AFF1: variants seen among roughly 807,000 people sequenced by gnomAD.
AFF1 encodes the protein AF4/FMR2 family member 1.
In AFF1, 48 loss-of-function variants were observed where a neutral mutation model predicts 121.7. The ratio of observed to expected loss-of-function variants is 0.39; its 90% CI spans 0.31 to 0.50. The LOEUF (loss-of-function observed/expected upper bound fraction) is 0.50. AFF1 is among the 20% of genes least tolerant of loss of function. The pLI is 0.76. For synonymous variants in AFF1, 613 were observed against 563.0 expected (o/e 1.09, Z -1.26); for missense variants, 1,523 against 1,511.7 (o/e 1.01, Z -0.12).
At chr4:86,968,152 C>T (rs1006721312) in intron 2 of AFF1, among the ~76,000 whole-genome samples, 6 of 152,122 alleles carry the variant, frequency 3.9e-5, no homozygotes, top group African/African-American at 7.2e-5. Context: ...TCACCTCTTC[C>T]GTGAAACCTC....
chr4:87,013,888 T>C (rs538916228), intron 2 of AFF1, among the ~76,000 whole-genome samples: 6 of 152,230 alleles, frequency 3.9e-5, no homozygotes, highest in Non-Finnish European at 5.9e-5. Context: ...CTGCTGTCTG[T>C]AAGGCCAGGG....
chr4:87,038,776 T>G (rs1729815937), intron 2 of AFF1, among the ~76,000 whole-genome samples: 1 of 152,216 alleles, frequency 6.6e-6, no homozygotes. Flanking sequence ...ACTGTTGATT[T>G]TAGGATTTTC....
At chr4:87,025,370 G>T (rs566760705) in intron 2 of AFF1, among the ~76,000 whole-genome samples, 1 of 152,170 alleles carries the variant, frequency 6.6e-6, no homozygotes, top group African/African-American at 2.4e-5. Context: ...CGAAACTAAG[G>T]CTTAGAGAGT....
chr4:87,087,073 G>A (rs1723814970), intron 5 of AFF1, among the ~76,000 whole-genome samples: 3 of 152,192 alleles, frequency 2.0e-5, no homozygotes, highest in Non-Finnish European at 2.9e-5. Context: ...AGACACCTCA[G>A]ATTTTCTACT....
Position 87,075,074 on chromosome 4 carries a change from A to G in AFF1, c.1060-9046A>G, listed in dbSNP as rs551992409. 2.0e-4 allele frequency among the ~76,000 whole-genome samples: 30 copies of G among 152,294 alleles called. 1 individual carries two copies. The highest frequency in any genetic ancestry group is 9.6e-4 in the East Asian group (5 of 5,188). Reference sequence around the variant, plus strand: ...TTAGAAAAATATCTTTATGATGCCAATTATGCAGATTACCTCACTGGTATA... The same window carrying G: ...TTAGAAAAATATCTTTATGATGCCAGTTATGCAGATTACCTCACTGGTATA... On this transcript the variant is annotated intron_variant, in intron 4 of 20. Coordinates refer to ENST00000395146, the MANE Select transcript of AFF1 (RefSeq NM_001166693.3).
At chr4:86,996,906 A>T (rs1244599573) in intron 2 of AFF1, among the ~76,000 whole-genome samples, 1 of 151,876 alleles carries the variant, frequency 6.6e-6, no homozygotes, top group Non-Finnish European at 1.5e-5. Context: ...GGTGGCTTTT[A>T]ATTTAATTTA....
rs1362523777 is a variant in AFF1 at position 87,126,239 on chromosome 4, A to C, written c.2714A>C (p.Lys905Thr). Reference protein sequence around the residue: ...EADTCGQDPPKSASSTKSNHK... With the variant: ...EADTCGQDPPTSASSTKSNHK... ...GACACCTGTGGCCAGGACCCTCCCA[A>C]AAGTGCCAGCAGTACCAAGAGCAAC... Residue 905 changes from lysine to threonine, a missense_variant, in exon 14 of 21, where the codon AAA becomes ACA. This residue lies in a region of AFF1 where 905 missense variants were observed against 842.5 expected (regional missense o/e 1.07). Transcript: ENST00000395146. 3.1e-6 allele frequency: 5 copies of C among 1,614,064 alleles called. No homozygotes were observed. The highest frequency in any genetic ancestry group is 4.2e-6 in the Non-Finnish European group (5 of 1,180,004).
At chr4:87,108,044 C>T in intron 10 of AFF1, 115 bp from the exon 11 acceptor site, 4 of 1,090,048 alleles carry the variant, frequency 3.7e-6, no homozygotes, top group Non-Finnish European at 3.9e-6. Flanking sequence ...GATAGTTTAG[C>T]AGTGTATCTA....
At chr4:87,059,514 C>G (rs905346450) in intron 4 of AFF1, among the ~76,000 whole-genome samples, 6 of 152,196 alleles carry the variant, frequency 3.9e-5, no homozygotes, top group African/African-American at 1.4e-4. Flanking sequence ...TTTCTAACCT[C>G]TCATCTTGCT....
chr4:86,963,837 C>T (rs1040066580), intron 2 of AFF1, among the ~76,000 whole-genome samples: 1 of 151,062 alleles, frequency 6.6e-6, no homozygotes, highest in African/African-American at 2.4e-5. Context: ...CTCTGTTGTC[C>T]AGGCTGGAGT....
intron 11 of AFF1, among the ~76,000 whole-genome samples, chr4:87,112,228 TTTCTC>T (rs1178348667): frequency 2.0e-5 from 3 of 152,320 alleles, no homozygotes; most frequent in Admixed American, 6.5e-5. Flanking sequence ...GTGCTAATCT[TTTCTC>T]TACTCTTAAC....
chr4:87,131,506 T>C (rs760928626), intron 17 of AFF1, among the ~76,000 whole-genome samples: 12 of 152,208 alleles, frequency 7.9e-5, no homozygotes, highest in Non-Finnish European at 1.8e-4. Flanking sequence ...TCCTCTCCTC[T>C]CAGTTTAAGC....
intron 16 of AFF1, among the ~76,000 whole-genome samples, chr4:87,128,325 A>G (rs1346636075): frequency 6.6e-6 from 1 of 152,230 alleles, no homozygotes; most frequent in African/African-American, 2.4e-5. Context: ...TGGACTTTCT[A>G]AAAGGTGGTG....
At chr4:87,065,679 G>A (rs901081653) in intron 4 of AFF1, among the ~76,000 whole-genome samples, 2 of 152,182 alleles carry the variant, frequency 1.3e-5, no homozygotes, top group African/African-American at 4.8e-5. Context: ...ATGGGGCAGT[G>A]TCAGAAGAAA....
At position 87,108,291 on chromosome 4, in the gene AFF1, GCCC is replaced by G. The variant is rs747206322; in HGVS notation, c.1511_1513del (p.Pro504del). 2 of 1,613,614 alleles carry G rather than the reference GCCC, an allele frequency of 1.2e-6. No homozygotes were observed. The highest frequency in any genetic ancestry group is 2.7e-5 in the African/African-American group (2 of 74,886). On this transcript the variant is annotated inframe_deletion, in exon 11 of 21. Transcript: ENST00000395146. ...GTTCAAGTGACAGCGAAGAAAATGAGCCCCTAGAAACCCCAGCTCCGGAGGTAC... is the reference window on the plus strand; with the variant it reads ...GTTCAAGTGACAGCGAAGAAAATGAGCTAGAAACCCCAGCTCCGGAGGTAC...
At chr4:87,113,375 C>A (rs1376548005) in intron 11 of AFF1, among the ~76,000 whole-genome samples, 1 of 152,006 alleles carries the variant, frequency 6.6e-6, no homozygotes, top group Non-Finnish European at 1.5e-5. Context: ...CTGGGCTCAA[C>A]AATCCCCACC....
chr4:87,032,640 T>C (rs1729187789), intron 2 of AFF1, among the ~76,000 whole-genome samples: 1 of 152,208 alleles, frequency 6.6e-6, no homozygotes, highest in African/African-American at 2.4e-5. Context: ...TATGAATGTG[T>C]CCACAGCAGC....
chr4:86,945,781 C>T (rs906315963), intron 1 of AFF1, among the ~76,000 whole-genome samples: 8 of 152,004 alleles, frequency 5.3e-5, no homozygotes, highest in Non-Finnish European at 1.2e-4. Context: ...CATGAGCCAC[C>T]ATGCTTGGCC....
chr4:87,073,699 C>A (rs1220746440), intron 4 of AFF1, among the ~76,000 whole-genome samples: 2 of 152,178 alleles, frequency 1.3e-5, no homozygotes, highest in Admixed American at 1.3e-4. Flanking sequence ...GAAACTGATA[C>A]AAAGTTGTTT....
Sources: gnomAD v4.1 joint callset for allele counts (sites outside exome capture counted in the v4.1 genomes callset) on GRCh38, gnomAD v4.1.1 for gene constraint, gnomAD v4.1.1 regional missense constraint, MANE v1.5 for transcripts, NCBI Gene and HGNC (gene_info 2026-07-23, HGNC 2026-07-21) for gene names.